The following GPAM variants were observed in gnomAD, a reference collection of about 807,000 sequenced individuals.
GPAM encodes glycerol-3-phosphate acyltransferase 1, mitochondrial.
GPAM carries 56 observed loss-of-function variants against 105.0 expected under a neutral mutation model. The observed-to-expected ratio is 0.53, with a 90% CI of 0.43 to 0.67. The LOEUF is 0.67. GPAM is among the 30% of genes least tolerant of loss of function. The pLI, the probability that GPAM is intolerant of heterozygous loss-of-function variation, is 0.00. For missense variants in GPAM, 855 were observed against 989.8 expected (o/e 0.86, Z 1.83); for synonymous variants, 368 against 354.4 (o/e 1.04, Z -0.43).
rs548497977 is a variant in GPAM, at chr10:112,177,859, G to A, written c.299+125C>T. ...TTCCAATTTTCAGATAATCTCTCTT[G>A]TGTCAGAAACTCATATTCTATTCAC... is the stretch of plus-strand genomic sequence containing the variant. On this transcript the variant is annotated intron_variant, in intron 5 of 21. Coordinates refer to ENST00000348367, the MANE Select transcript of GPAM (RefSeq NM_001244949.2). 64 of 637,964 alleles carry A rather than the reference G, an allele frequency of 1.0e-4. No individual in the cohort carries two copies. In the African/African-American group the frequency reaches 1.0e-3, roughly 10 times the overall value. The allele number at this position is 637,964 out of a possible 1,614,324, so 39.5% of individuals were successfully genotyped here.
chr10:112,150,145 TA>T lies in GPAM; in HGVS notation c.*3404del. 1.0e-6 allele frequency: 1 copy of T among 984,904 alleles called. No individual in the cohort carries two copies. The highest frequency in any genetic ancestry group is 1.2e-6 in the Non-Finnish European group (1 of 829,426). 61.0% of individuals were successfully genotyped at this position (984,904 alleles called of 1,614,324 possible). ...ATGCAATCATTAGTTTGTATTAAAC[TA>T]AAATGCCAGACGGCAAGTCTCAGGT... On this transcript the variant is annotated 3_prime_UTR_variant, in exon 22 of 22. Transcript: ENST00000348367.
upstream of GPAM, among the ~76,000 whole-genome samples, chr10:112,218,081 G>C (rs1042288812): frequency 6.6e-6 from 1 of 152,240 alleles, no homozygotes; most frequent in Non-Finnish European, 1.5e-5. Context: ...GGCCATTGAC[G>C]ATTCAAAGGA....
In GPAM at chr10:112,170,400, T is replaced by C. The variant is rs1847292641; in HGVS notation, c.795-1448A>G. Among the ~76,000 whole-genome samples, 4 of 152,160 alleles carry C rather than the reference T, an allele frequency of 2.6e-5. No individual in the cohort carries two copies. The South Asian group carries it at 8.3e-4, about 31-fold the overall frequency. On this transcript the variant is annotated intron_variant, in intron 9 of 21. Coordinates refer to ENST00000348367, the MANE Select transcript of GPAM (RefSeq NM_001244949.2). ...GCTGGGCTAACTACAGCCTGCTGTG[T>C]CTGAAGGACAGGTGAGCTACACAGT...
chr10:112,179,684 C>T (rs1847472889), intron 4 of GPAM, among the ~76,000 whole-genome samples: 2 of 152,106 alleles, frequency 1.3e-5, no homozygotes, highest in African/African-American at 4.8e-5. Flanking sequence ...ATTACCTAGC[C>T]ACACAAGTTA....
At chr10:112,168,814 AACACAATGTCC>A (rs1171772856) in intron 10 of GPAM, 28 bp downstream of exon 10, 2 of 1,274,790 alleles carry the variant, frequency 1.6e-6, no homozygotes, top group Non-Finnish European at 2.3e-6. Flanking sequence ...TGTGATAACC[AACACAATGTCC>A]CTAAGGATAA....
rs756664631 is a variant in GPAM, at chr10:112,161,703, G to A, written c.1458C>T (p.His486=). 2.1e-5 allele frequency: 34 copies of A among 1,613,898 alleles called. No homozygotes were observed. The highest frequency in any genetic ancestry group is 9.3e-6 in the Non-Finnish European group (11 of 1,179,892). Reference sequence around the variant, plus strand: ...TGTAGAGGAGCAGGCAAGCCACAATGTGTGTGGACATAATGGCACAGGACT... The same window carrying A: ...TGTAGAGGAGCAGGCAAGCCACAATATGTGTGGACATAATGGCACAGGACT... ...ASKSCAIMST[H]IVACLLLYRH... Residue 486 remains histidine (H), a synonymous_variant, in exon 15 of 22, where the codon CAC becomes CAT. Coordinates refer to ENST00000348367, the MANE Select transcript of GPAM (RefSeq NM_001244949.2).
chr10:112,212,019 T>C (rs889296522), intron 1 of GPAM, among the ~76,000 whole-genome samples: 1 of 152,176 alleles, frequency 6.6e-6, no homozygotes, highest in Admixed American at 6.5e-5. Context: ...ACTTGGAGAC[T>C]AAGGGCGGCC....
rs1846894480 is a variant in GPAM, at chr10:112,150,407, A to G, written c.*3143T>C. 2 of 985,714 alleles carry G rather than the reference A, an allele frequency of 2.0e-6. No homozygotes were observed. Among genetic ancestry groups the G allele is most frequent in the Non-Finnish European group, 2.4e-6 (2 of 829,910 alleles). 61.1% of individuals were successfully genotyped at this position (985,714 alleles called of 1,614,324 possible). On this transcript the variant is annotated 3_prime_UTR_variant, in exon 22 of 22. Transcript: ENST00000348367. ...TTGGGGCTGTTCTCTCTATCAAAGG[A>G]AAGAGCTCCGATCACCTACATTATA... is the stretch of plus-strand genomic sequence containing the variant.
chr10:112,183,242 G>A (rs1386941160), intron 1 of GPAM, among the ~76,000 whole-genome samples: 1 of 152,204 alleles, frequency 6.6e-6, no homozygotes, highest in Non-Finnish European at 1.5e-5. Flanking sequence ...TTGAGAGGAC[G>A]GAATAATATA....
In GPAM at chr10:112,168,871, A is replaced by G. The variant is rs1370417714; in HGVS notation, c.876T>C (p.Tyr292=). Residue 292 remains tyrosine (Y), a synonymous_variant, in exon 10 of 22, where the codon TAT becomes TAC. Transcript: ENST00000348367. ...ETPDGRKDVL[Y]RALLHGHIVE... ...CACATACCCCATGGAGCAAAGCTCT[A>G]TAGAGAACATCTTTCCGTCCATCTG... The G allele has an allele frequency of 6.2e-7, 1 of 1,604,304 alleles. No individual in the cohort carries two copies. The highest frequency in any genetic ancestry group is 1.1e-5 in the South Asian group (1 of 90,902).
intron 8 of GPAM, 47 bp from the exon 9 acceptor site, chr10:112,172,365 A>T (rs1280430195): frequency 4.5e-6 from 7 of 1,544,132 alleles, no homozygotes; most frequent in Non-Finnish European, 6.3e-6. Context: ...TGTAAAATTC[A>T]ATCACACTTT....
chr10:112,190,544 G>A (rs1847644817), intron 1 of GPAM, among the ~76,000 whole-genome samples: 1 of 150,342 alleles, frequency 6.7e-6, no homozygotes, highest in Non-Finnish European at 1.5e-5. Flanking sequence ...TAGGCCAGAA[G>A]AGAAAGAAAC....
At chr10:112,162,078 T>C (rs929306292) in intron 14 of GPAM, among the ~76,000 whole-genome samples, 4 of 152,202 alleles carry the variant, frequency 2.6e-5, no homozygotes, top group African/African-American at 7.2e-5. Context: ...GGATCTCCCA[T>C]TTCCATATTC....
rs766937230 is a variant in GPAM at position 112,172,322 on chromosome 10, G to A, written c.658-4C>T. On this transcript the variant is annotated splice_polypyrimidine_tract_variant and splice_region_variant and intron_variant, in intron 8 of 21. Transcript: ENST00000348367. ...GAAACAGAAGCGGCAAATTCGTCTA[G>A]CAAAGGGAAAAATGCCAAATTTAAA... 8 of 1,612,382 alleles carry A rather than the reference G, an allele frequency of 5.0e-6. No individual in the cohort carries two copies. The highest frequency in any genetic ancestry group is 6.8e-6 in the Non-Finnish European group (8 of 1,178,574).
intron 19 of GPAM, chr10:112,156,358 C>A (rs1847017484): frequency 5.5e-6 from 2 of 366,216 alleles, no homozygotes; most frequent in Non-Finnish European, 1.0e-5. Context: ...GCTGTCATCA[C>A]TAAAAATAGC....
At position 112,191,357 on chromosome 10, in the gene GPAM, G is replaced by A. The variant is rs550186737; in HGVS notation, n.211-8466C>T. ...TACATGACAAGGTTCAACTCCCCAG[G>A]AAGAAAGCACGGTGGGAACTAGGTA... On this transcript the variant is annotated intron_variant and non_coding_transcript_variant, in intron 1 of 3. Transcript: ENST00000480130. Among the ~76,000 whole-genome samples the A allele has an allele frequency of 1.4e-4, 22 of 152,276 alleles. No individual in the cohort carries two copies. The South Asian group carries it at 4.4e-3, about 30-fold the overall frequency.
chr10:112,156,233 C>T, intron 19 of GPAM, 180 bp from the exon 20 acceptor site: 1 of 634,882 alleles, frequency 1.6e-6, no homozygotes. Context: ...CAACTGCTGG[C>T]TTTCAAACAC....
chr10:112,176,329 T>A (rs911058505), intron 5 of GPAM, among the ~76,000 whole-genome samples: 2 of 152,206 alleles, frequency 1.3e-5, no homozygotes, highest in Non-Finnish European at 2.9e-5. Flanking sequence ...ATAGAACATA[T>A]TCCTGTCAGT....
Position 112,160,815 on chromosome 10 carries a change from G to A in GPAM, c.1548C>T (p.Val516=). The change falls in exon 16 of 22, where the codon GTC becomes GTT. Residue 516 remains valine, a synonymous_variant. Transcript: ENST00000348367. ...VEDFFVMKEE[V]LARDFDLGFS... is the part of the protein sequence containing the mutation. The stretch of plus-strand genomic sequence containing the variant: ...ACCCCAGGTCAAAATCACGAGCCAG[G>A]ACTTCCTCTTTCATCACAAAGAAGT... 3 of 1,613,644 alleles carry A rather than the reference G, an allele frequency of 1.9e-6. No individual in the cohort carries two copies. The highest frequency in any genetic ancestry group is 2.5e-6 in the Non-Finnish European group (3 of 1,179,576).
Sources: gnomAD v4.1 joint callset for allele counts (sites outside exome capture counted in the v4.1 genomes callset) on GRCh38, gnomAD v4.1.1 for gene constraint, MANE v1.5 for transcripts, NCBI Gene and HGNC (gene_info 2026-07-23, HGNC 2026-07-21) for gene names.